The following TRANK1 variants were observed in gnomAD, a reference collection of about 807,000 sequenced individuals.
The protein encoded by TRANK1 is TPR and ankyrin repeat-containing protein 1.
Under a neutral mutation model 266.0 loss-of-function variants are expected in TRANK1, and 198 were observed. The observed-to-expected ratio is 0.74, with a 90% CI of 0.66 to 0.84. TRANK1 has a LOEUF of 0.84. Among genes scored for constraint, TRANK1 ranks in the 40% least tolerant of loss-of-function variants. The pLI, the probability that TRANK1 is intolerant of heterozygous loss-of-function variation, is 0.00. For missense variants in TRANK1, 3,326 were observed against 3,634.6 expected (o/e 0.92, Z 2.18); for synonymous variants, 1,396 against 1,384.1 (o/e 1.01, Z -0.19).
In TRANK1 at chr3:36,918,540, AAGGAAGGAAGGAAGGAAGGAAGGT is replaced by A. The variant is rs1325066203; in HGVS notation, c.24-10110_24-10087del. On this transcript the variant is annotated intron_variant, in intron 1 of 23. Coordinates refer to ENST00000645898, the MANE Select transcript of TRANK1 (RefSeq NM_001329998.2). ...GAAAGAAAGAAAGAAAGAAGGAAGG[AAGGAAGGAAGGAAGGAAGGAAGGT>A]AGGAAGGAAGGAAGGAAGGAAGGAA... Among the ~76,000 whole-genome samples, 129 of 52,834 alleles carry A rather than the reference AAGGAAGGAAGGAAGGAAGGAAGGT, an allele frequency of 2.4e-3. 11 individuals are homozygous for A. The highest frequency in any genetic ancestry group is 3.7e-3 in the South Asian group (6 of 1,630). The allele number at this position is 52,834 out of a possible 152,430, so 34.7% of individuals were successfully genotyped here. A position where few individuals can be genotyped will look rare whatever the true frequency, so the allele number is the denominator to read the frequency against.
At chr3:36,892,847 CAAAACATAT>C in intron 6 of TRANK1, 45 bp downstream of exon 6, 1 of 739,820 alleles carries the variant, frequency 1.4e-6, no homozygotes, top group Non-Finnish European at 1.7e-6. Context: ...CAAAACAAAA[CAAAACATAT>C]ATATATATAT....
At chr3:36,895,154 G>C (rs1363421464) in intron 5 of TRANK1, among the ~76,000 whole-genome samples, 1 of 152,150 alleles carries the variant, frequency 6.6e-6, no homozygotes, top group Non-Finnish European at 1.5e-5. Context: ...TGACACTGAA[G>C]CCCAGACCTC....
chr3:36,875,695 A>G (rs1313273512), intron 8 of TRANK1, among the ~76,000 whole-genome samples: 2 of 152,248 alleles, frequency 1.3e-5, no homozygotes, highest in Non-Finnish European at 2.9e-5. Context: ...CCAAAGGACA[A>G]TTAAAACTAA....
At chr3:36,864,647 G>A (rs2079188934) in intron 9 of TRANK1, among the ~76,000 whole-genome samples, 167 bp from the exon 10 acceptor site, 1 of 152,170 alleles carries the variant, frequency 6.6e-6, no homozygotes, top group Admixed American at 6.5e-5. Flanking sequence ...ACCCTCCCCT[G>A]ATTCTGGACT....
chr3:36,857,392 C>T lies in TRANK1; in HGVS notation c.2330G>A (p.Gly777Asp). 6.2e-7 allele frequency: 1 copy of T among 1,612,188 alleles called. No homozygotes were observed. Among genetic ancestry groups the T allele is most frequent in the Non-Finnish European group, 8.5e-7 (1 of 1,178,942 alleles). Reference protein sequence around the residue: ...EGKKDDKPTLGAGAPDCSEVG... With the variant: ...EGKKDDKPTLDAGAPDCSEVG... ...CTCACTACAGTCAGGGGCCCCTGCACCCAGAGTCGGCTTGTCATCTTTCTT... is the reference window on the plus strand; with the variant it reads ...CTCACTACAGTCAGGGGCCCCTGCATCCAGAGTCGGCTTGTCATCTTTCTT... Residue 777 changes from glycine to aspartate, a missense_variant, in exon 13 of 24, where the codon GGT becomes GAT. Gly to Asp is a moderately conservative substitution (Grantham distance 94). Coordinates refer to ENST00000645898, the MANE Select transcript of TRANK1 (RefSeq NM_001329998.2). This position sits in a 1 kb window ranked among gnomAD's most constrained non-coding sequence, Gnocchi z 4.3.
intron 20 of TRANK1, among the ~76,000 whole-genome samples, chr3:36,836,786 C>T (rs1276548094): frequency 6.6e-6 from 1 of 152,246 alleles, no homozygotes; most frequent in Non-Finnish European, 1.5e-5. Flanking sequence ...CATCCCACCA[C>T]TTCCACCACC....
At chr3:36,934,915 T>G (rs543332110) in intron 1 of TRANK1, among the ~76,000 whole-genome samples, 5 of 152,298 alleles carry the variant, frequency 3.3e-5, no homozygotes, top group African/African-American at 9.6e-5. Flanking sequence ...CAGAGGTATC[T>G]TCCTTGCCAG....
At chr3:36,896,229 T>C (rs758904512) in intron 4 of TRANK1, among the ~76,000 whole-genome samples, 6 of 152,176 alleles carry the variant, frequency 3.9e-5, no homozygotes, top group Non-Finnish European at 7.3e-5. Context: ...GAAACAAGAC[T>C]GGAACCCAGA....
At chr3:36,875,865 GA>G (rs1402223075) in intron 8 of TRANK1, among the ~76,000 whole-genome samples, 1 of 152,098 alleles carries the variant, frequency 6.6e-6, no homozygotes, top group Non-Finnish European at 1.5e-5. Flanking sequence ...ATTCAATCCA[GA>G]AAAAAAGTAA....
intron 15 of TRANK1, chr3:36,850,672 G>A (rs1170040229): frequency 1.1e-6 from 1 of 885,570 alleles, no homozygotes; most frequent in African/African-American, 1.8e-5. Context: ...TCAGAGGGTT[G>A]GTGGAGTGAG....
rs891541654 is a variant in TRANK1, at chr3:36,858,775, G to A, written c.1615C>T (p.Leu539Phe). The change falls in exon 12 of 24, where the codon CTC becomes TTC. Residue 539 changes from leucine (L) to phenylalanine (F), a missense_variant. Leu to Phe is a conservative substitution (Grantham distance 22, BLOSUM62 0). Transcript: ENST00000645898. ...TKGADPRAIS[L>F]TEGDTPLHAA... ...TGCAAAGGAGTATCACCTTCCGTGA[G>A]AGAAATAGCACGGGGGTCTGCGCCC... 3 of 1,537,052 alleles carry A rather than the reference G, an allele frequency of 2.0e-6. No homozygotes were observed. The highest frequency in any genetic ancestry group is 2.0e-5 in the Admixed American group (1 of 50,982).
chr3:36,903,658 G>T (rs1463512607), intron 2 of TRANK1, among the ~76,000 whole-genome samples: 1 of 152,182 alleles, frequency 6.6e-6, no homozygotes, highest in Non-Finnish European at 1.5e-5. Context: ...CCATAGTCTT[G>T]GTACCCACAG....
In TRANK1 at chr3:36,848,270, GT is replaced by G. The variant is rs1327054266; in HGVS notation, c.4888-925del. On this transcript the variant is annotated intron_variant, in intron 15 of 23. Coordinates refer to ENST00000645898, the MANE Select transcript of TRANK1 (RefSeq NM_001329998.2). ...ACCATAAAATATTATTCTCCTTTGGGTTTTTTTTCTGGCCATTTAAAAATGT... is the reference window on the plus strand; with the variant it reads ...ACCATAAAATATTATTCTCCTTTGGGTTTTTTTCTGGCCATTTAAAAATGT... 3.3e-5 allele frequency among the ~76,000 whole-genome samples: 5 copies of G among 151,416 alleles called. No individual in the cohort carries two copies. The East Asian group carries it at 5.8e-4, about 18-fold the overall frequency.
At chr3:36,915,349 G>T (rs985640190) in intron 1 of TRANK1, among the ~76,000 whole-genome samples, 1 of 152,164 alleles carries the variant, frequency 6.6e-6, no homozygotes, top group Non-Finnish European at 1.5e-5. Context: ...AGGGTATGTA[G>T]CATATCCATC....
intron 2 of TRANK1, among the ~76,000 whole-genome samples, chr3:36,908,096 G>A (rs901460078): frequency 6.6e-6 from 1 of 152,210 alleles, no homozygotes; most frequent in Admixed American, 6.5e-5. Context: ...CAGCCAGAAC[G>A]GGAAGTTTTG....
At chr3:36,906,333 C>T (rs1282567955) in intron 2 of TRANK1, among the ~76,000 whole-genome samples, 1 of 152,190 alleles carries the variant, frequency 6.6e-6, no homozygotes, top group Non-Finnish European at 1.5e-5. Flanking sequence ...CAGATGCCAA[C>T]ATCTGCTCGC....
chr3:36,938,536 C>A (rs9858500), intron 1 of TRANK1, among the ~76,000 whole-genome samples: 4,238 of 152,016 alleles, frequency 0.028, 200 homozygotes, highest in African/African-American at 0.097. Context: ...TCTGTTCTAA[C>A]ACTAGTTCAT....
chr3:36,842,622 C>T lies in TRANK1; in HGVS notation c.5280G>A (p.Lys1760=). 1 of 1,613,748 alleles carries T rather than the reference C, an allele frequency of 6.2e-7. No homozygotes were observed. Among genetic ancestry groups the T allele is most frequent in the Non-Finnish European group, 8.5e-7 (1 of 1,179,804 alleles). The change falls in exon 18 of 24, where the codon AAG becomes AAA. Residue 1760 remains lysine, a splice_region_variant and synonymous_variant. Transcript: ENST00000645898. ...GDYYAKHQCW[K]VAAKCYQKGG... Reference sequence around the variant, plus strand: ...GACCCCTCCTAGTCCAACCCCTTACCTTCCAGCACTGGTGCTTGGCGTAGT... The same window carrying T: ...GACCCCTCCTAGTCCAACCCCTTACTTTCCAGCACTGGTGCTTGGCGTAGT...
In TRANK1 at chr3:36,864,405, A is replaced by C; in HGVS notation, c.1154T>G (p.Met385Arg). The change falls in exon 10 of 24, where the codon ATG (methionine) becomes AGG (arginine). Residue 385 changes from methionine to arginine, a missense_variant. Physicochemically the swap from Met to Arg is moderately conservative, Grantham distance 91. Coordinates refer to ENST00000645898, the MANE Select transcript of TRANK1 (RefSeq NM_001329998.2). ...ATGCAATAACCGGTTTCCTGAGTTC[A>C]TATACTTCACCAGCTGCTCCAAGAC... is the stretch of plus-strand genomic sequence containing the variant. ...RKVLEQLVKY[M>R]NSGNRLLHKN... 1 of 1,537,086 alleles carries C rather than the reference A, an allele frequency of 6.5e-7. No homozygotes were observed. Among genetic ancestry groups the C allele is most frequent in the Non-Finnish European group, 8.7e-7 (1 of 1,146,822 alleles).
Sources: allele counts gnomAD v4.1 joint callset (sites outside exome capture counted in the v4.1 genomes callset), GRCh38; gene constraint gnomAD v4.1.1; non-coding constraint Gnocchi (gnomAD v3.1); transcripts MANE v1.5; gene names NCBI Gene and HGNC (gene_info 2026-07-23, HGNC 2026-07-21).